The following VSTM2A variants were observed in gnomAD, a reference collection of about 807,000 sequenced individuals.
VSTM2A encodes V-set and transmembrane domain containing 2A.
In VSTM2A, 13 loss-of-function variants were observed where a neutral mutation model predicts 27.3. That is an observed-to-expected ratio of 0.48 (90% CI 0.31 to 0.76). The LOEUF is 0.76. VSTM2A is among the 30% of genes least tolerant of loss of function. The pLI is 0.05. For missense variants in VSTM2A, 280 were observed against 310.0 expected (o/e 0.90, Z 0.73); for synonymous variants, 142 against 125.7 (o/e 1.13, Z -0.87).
At chr7:54,553,771 T>C (rs1038104615) in intron 4 of VSTM2A, 1 of 1,499,890 alleles carries the variant, frequency 6.7e-7, no homozygotes, top group East Asian at 2.5e-5. Flanking sequence ...AGGTCCCTCT[T>C]CGCAGAGAAC....
At chr7:54,555,540 G>A (rs1199385255) in intron 4 of VSTM2A, among the ~76,000 whole-genome samples, 1 of 152,074 alleles carries the variant, frequency 6.6e-6, no homozygotes, top group Non-Finnish European at 1.5e-5. Flanking sequence ...TTTTCTCTTA[G>A]TCAGAATTGG....
chr7:54,554,959 A>G (rs1788303851), intron 4 of VSTM2A, among the ~76,000 whole-genome samples: 1 of 152,244 alleles, frequency 6.6e-6, no homozygotes, highest in Admixed American at 6.5e-5. Context: ...TCAGACATCT[A>G]AAACTCAAAT....
At chr7:54,550,587 A>G in intron 4 of VSTM2A, 1 of 225,182 alleles carries the variant, frequency 4.4e-6, no homozygotes, top group Non-Finnish European at 8.7e-6. Flanking sequence ...CATATCATGC[A>G]TTTTCAGCGA....
In VSTM2A at chr7:54,544,913, G is replaced by T. The variant is rs1041064891; in HGVS notation, c.246+125G>T. On this transcript the variant is annotated intron_variant, in intron 2 of 4. Transcript: ENST00000402613. The stretch of plus-strand genomic sequence containing the variant: ...GGGACCTGCCCGGTTCTGTGGAAGC[G>T]AGTGACCCCCAGGGCTTCTAGGGAG... The T allele has an allele frequency of 4.2e-6, 5 of 1,195,012 alleles. No homozygotes were observed. In the South Asian group the frequency reaches 4.8e-5, roughly 12 times the overall value. The allele number at this position is 1,195,012 out of a possible 1,614,324, so 74.0% of individuals were successfully genotyped here.
intron 4 of VSTM2A, chr7:54,551,043 A>G (rs1430393294): frequency 1.3e-5 from 2 of 152,066 alleles, no homozygotes; most frequent in Non-Finnish European, 2.9e-5. Context: ...ATGGAAAATT[A>G]CATTGCTAAT....
intron 4 of VSTM2A, chr7:54,553,954 C>CT (rs752579556): frequency 6.4e-7 from 1 of 1,552,096 alleles, no homozygotes; most frequent in Non-Finnish European, 8.7e-7. Context: ...CTTTTTTCTA[C>CT]TGACCCCCTT....
rs778159994 is a variant in VSTM2A, at chr7:54,550,077, C to T, written c.541C>T (p.Pro181Ser). ...KPRKNVSAAIPSSIHGSANQR... is the reference protein window; with the variant it reads ...KPRKNVSAAISSSIHGSANQR... ...CCGCAAGAACGTCTCCGCAGCCATC[C>T]CCAGCAGCATCCATGGCTCTGCCAA... Residue 181 changes from proline (P) to serine (S), a missense_variant, in exon 4 of 5, where the codon CCC becomes TCC. Transcript: ENST00000402613. 3.1e-6 allele frequency: 5 copies of T among 1,609,030 alleles called. No individual in the cohort carries two copies. In the South Asian group the frequency reaches 4.4e-5, roughly 14 times the overall value.
At chr7:54,545,606 G>A (rs1263585012) in intron 2 of VSTM2A, among the ~76,000 whole-genome samples, 2 of 71,656 alleles carry the variant, frequency 2.8e-5, no homozygotes, top group African/African-American at 6.1e-5. Flanking sequence ...AGAGAGGGAC[G>A]GGGAGGGGGA....
chr7:54,564,074 A>G (rs1030079613), intron 4 of VSTM2A, among the ~76,000 whole-genome samples: 1 of 152,230 alleles, frequency 6.6e-6, no homozygotes, highest in African/African-American at 2.4e-5. Flanking sequence ...CTGTAATAAA[A>G]GAGAAATATG....
intron 4 of VSTM2A, chr7:54,554,213 A>G (rs1788281227): frequency 3.7e-6 from 5 of 1,366,650 alleles, no homozygotes; most frequent in Admixed American, 4.8e-5. Flanking sequence ...CCTTCCTGAC[A>G]CTCTTACCTC....
intron 2 of VSTM2A, among the ~76,000 whole-genome samples, chr7:54,545,736 A>C (rs1787933352): frequency 9.8e-6 from 1 of 101,984 alleles, no homozygotes; most frequent in Non-Finnish European, 1.9e-5. Context: ...AAAAAGGGAG[A>C]GAGGGAAGGG....
chr7:54,542,784 T>C lies in VSTM2A; in HGVS notation c.54T>C (p.Tyr18=), dbSNP rs1446455704. 1.9e-6 allele frequency: 3 copies of C among 1,613,802 alleles called. No homozygotes were observed. Among genetic ancestry groups the C allele is most frequent in the African/African-American group, 2.7e-5 (2 of 74,934 alleles). ...GATTTGTTTTCTTTTCCGTTTTATATGTACAACAAGGGCTTTCTTCTCAAG... is the reference window on the plus strand; with the variant it reads ...GATTTGTTTTCTTTTCCGTTTTATACGTACAACAAGGGCTTTCTTCTCAAG... The part of the protein sequence containing the change: ...YVGFVFFSVL[Y]VQQGLSSQAK... Residue 18 remains tyrosine (Y), a synonymous_variant, in exon 1 of 5, where the codon TAT becomes TAC. Transcript: ENST00000402613.
At chr7:54,561,793 TA>T (rs1471180976) in intron 4 of VSTM2A, among the ~76,000 whole-genome samples, 1 of 152,256 alleles carries the variant, frequency 6.6e-6, no homozygotes, top group Non-Finnish European at 1.5e-5. Context: ...TTCCTTGTAT[TA>T]AAACAGGTGA....
chr7:54,553,490 T>A (rs1184253907), intron 4 of VSTM2A, among the ~76,000 whole-genome samples: 2 of 152,170 alleles, frequency 1.3e-5, no homozygotes, highest in Non-Finnish European at 2.9e-5. Context: ...TGCAAGAAGC[T>A]TATCAAGAGA....
chr7:54,546,575 C>A, intron 2 of VSTM2A: 1 of 120,566 alleles, frequency 8.3e-6, no homozygotes, highest in Non-Finnish European at 1.8e-5. Context: ...TGCCCGCCCG[C>A]CCACCCACCT....
At chr7:54,544,527 A>G (rs1324791714) in intron 1 of VSTM2A, 95 bp from the exon 2 acceptor site, 2 of 1,498,068 alleles carry the variant, frequency 1.3e-6, no homozygotes, top group South Asian at 1.1e-5. Flanking sequence ...TTTTGTTGCT[A>G]TTTAAGTCCA....
chr7:54,542,853 G>T, intron 1 of VSTM2A, 44 bp downstream of exon 1: 9 of 1,564,600 alleles, frequency 5.8e-6, no homozygotes, highest in Non-Finnish European at 7.9e-6. Context: ...TTGCGTGTGT[G>T]TGTGTTTCCT....
At chr7:54,546,846 A>G (rs1788010202) in intron 2 of VSTM2A, 101 bp from the exon 3 acceptor site, 57 of 1,466,122 alleles carry the variant, frequency 3.9e-5, no homozygotes, top group Non-Finnish European at 4.4e-5. Context: ...TCCCCAGGTC[A>G]CCCTGACGGC....
chr7:54,562,853 T>A (rs913231504), intron 4 of VSTM2A, among the ~76,000 whole-genome samples: 1 of 152,218 alleles, frequency 6.6e-6, no homozygotes, highest in Admixed American at 6.5e-5. Context: ...AAATAAATTT[T>A]GGATTAAAAC....
Sources: gnomAD v4.1 joint callset for allele counts (sites outside exome capture counted in the v4.1 genomes callset) on GRCh38, gnomAD v4.1.1 for gene constraint, MANE v1.5 for transcripts, NCBI Gene and HGNC (gene_info 2026-07-23, HGNC 2026-07-21) for gene names.